Variants in FOXJ3 observed in about 807,000 individuals in gnomAD.
The protein encoded by FOXJ3 is forkhead box J3.
Under a neutral mutation model 76.1 loss-of-function variants are expected in FOXJ3, and 22 were observed. The ratio of observed to expected loss-of-function variants is 0.29; its 90% CI spans 0.21 to 0.41. The LOEUF is 0.41. Among genes scored for constraint, FOXJ3 ranks in the 10% least tolerant of loss-of-function variants. The pLI is 1.00. For missense variants in FOXJ3, 613 were observed against 762.1 expected, an observed-to-expected ratio of 0.80 and a Z score of 2.30; for synonymous variants, 269 against 261.2, an observed-to-expected ratio of 1.03 and a Z score of -0.29.
At chr1:42,335,805 GTCTT>G (rs3831334), upstream of FOXJ3, 99,825 of 151,336 alleles carry the variant, frequency 0.66, 33,527 homozygotes, top group Admixed American at 0.76. Flanking sequence ...CCCGTGCCTG[GTCTT>G]TCTTTCTTTC....
chr1:42,185,275 T>TTTTGG, intron 11 of FOXJ3, among the ~76,000 whole-genome samples: 1 of 147,918 alleles, frequency 6.8e-6, no homozygotes. Flanking sequence ...TTTTTTTTTT[T>TTTTGG]GAGATGGAGT....
In FOXJ3 at chr1:42,185,470, C is replaced by T. The variant is rs193012354; in HGVS notation, c.1645+3267G>A. Among the ~76,000 whole-genome samples, 3 of 151,842 alleles carry T rather than the reference C, an allele frequency of 2.0e-5. No individual in the cohort carries two copies. The East Asian group carries it at 5.8e-4, about 29-fold the overall frequency. ...AGAGACGGGGTTTCACCATGTTAAC[C>T]AAGGTGGTCTCGATCTCCTGACCTC... On this transcript the variant is annotated intron_variant, in intron 11 of 12. Coordinates refer to ENST00000361346, the MANE Select transcript of FOXJ3 (RefSeq NM_014947.5).
chr1:42,288,040 G>A (rs902873191), intron 2 of FOXJ3, among the ~76,000 whole-genome samples: 1 of 152,162 alleles, frequency 6.6e-6, no homozygotes, highest in African/African-American at 2.4e-5. Context: ...GATATTTTAT[G>A]CTATAATTCT....
At chr1:42,307,531 A>G (rs1045992608) in intron 2 of FOXJ3, among the ~76,000 whole-genome samples, 1 of 152,206 alleles carries the variant, frequency 6.6e-6, no homozygotes, top group Non-Finnish European at 1.5e-5. Context: ...CAATTCTATT[A>G]AAGTATTATC....
Position 42,178,092 on chromosome 1 carries a change from A to G in FOXJ3, c.*1618T>C, listed in dbSNP as rs1289730411. The G allele has an allele frequency of 2.0e-5, 3 of 152,716 alleles. No individual in the cohort carries two copies. The allele number at this position is 152,716 out of a possible 1,614,324, so 9.5% of individuals were successfully genotyped here. On this transcript the variant is annotated 3_prime_UTR_variant, in exon 13 of 13. Coordinates refer to ENST00000361346, the MANE Select transcript of FOXJ3 (RefSeq NM_014947.5). Reference sequence around the variant, plus strand: ...ATCAGTCCATGCAAACTGTGATATGATATGAAACAAAACAAACCACCACCA... The same window carrying G: ...ATCAGTCCATGCAAACTGTGATATGGTATGAAACAAAACAAACCACCACCA...
At chr1:42,297,568 T>C (rs1653867644) in intron 2 of FOXJ3, among the ~76,000 whole-genome samples, 1 of 152,246 alleles carries the variant, frequency 6.6e-6, no homozygotes, top group East Asian at 1.9e-4. Flanking sequence ...ATCATGTTTA[T>C]TGATTTGCAT....
chr1:42,288,181 CTA>C (rs1405889622), intron 2 of FOXJ3, among the ~76,000 whole-genome samples: 7 of 152,178 alleles, frequency 4.6e-5, no homozygotes, highest in Non-Finnish European at 8.8e-5. Context: ...ATTAAAATGT[CTA>C]TGTCTCTGAG....
At chr1:42,240,314 G>A (rs1425095207) in intron 4 of FOXJ3, among the ~76,000 whole-genome samples, 1 of 152,238 alleles carries the variant, frequency 6.6e-6, no homozygotes, top group East Asian at 1.9e-4. Context: ...TTCAATGTAA[G>A]TCCTATCAAA....
chr1:42,179,819 T>C lies in FOXJ3; in HGVS notation c.1760A>G (p.His587Arg). 1.9e-6 allele frequency: 3 copies of C among 1,612,042 alleles called. No homozygotes were observed. The highest frequency in any genetic ancestry group is 1.7e-6 in the Non-Finnish European group (2 of 1,178,214). Residue 587 changes from histidine to arginine, a missense_variant, in exon 13 of 13, where the codon CAC becomes CGC. Physicochemically the swap from His to Arg is conservative, Grantham distance 29. Transcript: ENST00000361346. ...STPGTTMAGH[H>R]RAMNQQHMMP... ...CATGTGCTGCTGGTTCATGGCTCTG[T>C]GATGGCCTGGAAGGAAAGAGGCAAT...
chr1:42,244,772 T>G (rs1448477929), intron 4 of FOXJ3, among the ~76,000 whole-genome samples: 2 of 151,692 alleles, frequency 1.3e-5, no homozygotes, highest in Non-Finnish European at 2.9e-5. Flanking sequence ...GCTACCAAAC[T>G]GTAAAACTGA....
intron 4 of FOXJ3, among the ~76,000 whole-genome samples, chr1:42,237,324 G>C (rs1398423920): frequency 6.6e-6 from 1 of 151,086 alleles, no homozygotes; most frequent in East Asian, 1.9e-4. Flanking sequence ...GCAGTGAGCA[G>C]AGATCATGCC....
chr1:42,277,342 A>G (rs1365250625), intron 3 of FOXJ3, among the ~76,000 whole-genome samples: 1 of 141,438 alleles, frequency 7.1e-6, no homozygotes, highest in Non-Finnish European at 1.5e-5. Flanking sequence ...TGGGTAACAG[A>G]GCAAGACCTT....
intron 1 of FOXJ3, among the ~76,000 whole-genome samples, chr1:42,333,194 A>T (rs114774978): frequency 0.011 from 1,729 of 152,306 alleles, 36 homozygotes; most frequent in African/African-American, 0.04. Flanking sequence ...CTATATTTAA[A>T]TATTTTCATT....
intron 2 of FOXJ3, 77 bp from the exon 3 acceptor site, chr1:42,278,749 T>A: frequency 9.2e-7 from 1 of 1,089,070 alleles, no homozygotes; most frequent in Non-Finnish European, 1.3e-6. Context: ...TTCACAAATC[T>A]AGGAGTTCCA....
intron 1 of FOXJ3, among the ~76,000 whole-genome samples, chr1:42,312,036 C>T (rs1654845800): frequency 6.6e-6 from 1 of 152,098 alleles, no homozygotes; most frequent in Admixed American, 6.5e-5. Context: ...CATACGCATA[C>T]ACTGCACAAG....
chr1:42,193,015 A>T (rs1290673883), intron 8 of FOXJ3, among the ~76,000 whole-genome samples: 5 of 152,222 alleles, frequency 3.3e-5, no homozygotes, highest in African/African-American at 1.2e-4. Flanking sequence ...ATCAATTTTC[A>T]ATAAAATCCT....
chr1:42,182,011 T>C lies in FOXJ3; in HGVS notation c.1659A>G (p.Ile553Met), dbSNP rs1186646478. ...AAGGAGGGAGATTTTGCCTAGAATC[T>C]ATGTACAAATTTCCTAATCAGATTA... is the stretch of plus-strand genomic sequence containing the variant. ...SQHIGTGNLYIDSRQNLPPSV... is the reference protein window; with the variant it reads ...SQHIGTGNLYMDSRQNLPPSV... Residue 553 changes from isoleucine (I) to methionine (M), a missense_variant, in exon 12 of 13, where the codon ATA (isoleucine) becomes ATG (methionine). Physicochemically the swap from Ile to Met is conservative, Grantham distance 10. This residue lies in a region of FOXJ3 where 526 missense variants were observed against 601.4 expected (regional missense o/e 0.87). Coordinates refer to ENST00000361346, the MANE Select transcript of FOXJ3 (RefSeq NM_014947.5). 1 of 1,607,568 alleles carries C rather than the reference T, an allele frequency of 6.2e-7. No individual in the cohort carries two copies. Among genetic ancestry groups the C allele is most frequent in the Non-Finnish European group, 8.5e-7 (1 of 1,175,158 alleles).
At chr1:42,301,381 A>G (rs1654139016) in intron 2 of FOXJ3, among the ~76,000 whole-genome samples, 1 of 151,728 alleles carries the variant, frequency 6.6e-6, no homozygotes, top group Admixed American at 6.6e-5. Context: ...TTGTATTTTT[A>G]GTAGAGATGG....
rs745309500 is a variant in FOXJ3 at position 42,295,082 on chromosome 1, CA to C, written c.44+15967del. ...CGAAGCTTTTTTAAAACTTTAGATT[CA>C]GGGGGTAAACATACATGTTTGTTAC... is the stretch of plus-strand genomic sequence containing the variant. On this transcript the variant is annotated intron_variant, in intron 2 of 12. Coordinates refer to ENST00000361346, the MANE Select transcript of FOXJ3 (RefSeq NM_014947.5). Among the ~76,000 whole-genome samples, 5 of 152,188 alleles carry C rather than the reference CA, an allele frequency of 3.3e-5. No individual in the cohort carries two copies. In the South Asian group the frequency reaches 8.3e-4, roughly 25 times the overall value.
Sources: allele counts gnomAD v4.1 joint callset (sites outside exome capture counted in the v4.1 genomes callset), GRCh38; gene constraint gnomAD v4.1.1; regional missense constraint gnomAD v4.1.1; transcripts MANE v1.5; gene names NCBI Gene and HGNC (gene_info 2026-07-23, HGNC 2026-07-21).